SNAP23: variants seen among roughly 807,000 people sequenced by gnomAD.
SNAP23 encodes synaptosome associated protein 23.
In SNAP23, 11 loss-of-function variants were observed where a neutral mutation model predicts 29.0. That is an observed-to-expected ratio of 0.38 (90% CI 0.24 to 0.63). SNAP23 has a LOEUF of 0.63. Ranked by LOEUF, SNAP23 falls within the 20% of genes least tolerant of loss-of-function variation. SNAP23 has a pLI of 0.58. For synonymous variants in SNAP23, 60 were observed against 82.9 expected (o/e 0.72, Z 1.50); for missense variants, 220 against 253.9 (o/e 0.87, Z 0.91).
intron 1 of SNAP23, among the ~76,000 whole-genome samples, chr15:42,496,676 C>T (rs1267769068): frequency 6.6e-6 from 1 of 151,870 alleles, no homozygotes; most frequent in East Asian, 1.9e-4. Context: ...GAGATCGTGC[C>T]ACTGAGCTTC....
In SNAP23 at chr15:42,517,186, C is replaced by T. The variant is rs548826059; in HGVS notation, c.266+1832C>T. ...CTGCCCGCCTCTGCCTCCCAAAGTG[C>T]GGGGATTACATGCGTGAGCCACTGC... On this transcript the variant is annotated intron_variant, in intron 5 of 7. Coordinates refer to ENST00000249647, the MANE Select transcript of SNAP23 (RefSeq NM_003825.4). Among the ~76,000 whole-genome samples, 32 of 152,302 alleles carry T rather than the reference C, an allele frequency of 2.1e-4. No homozygotes were observed. In the South Asian group the frequency reaches 6.2e-3, roughly 30 times the overall value.
At chr15:42,502,044 T>G (rs2057275392) in intron 1 of SNAP23, among the ~76,000 whole-genome samples, 1 of 150,532 alleles carries the variant, frequency 6.6e-6, no homozygotes, top group Non-Finnish European at 1.5e-5. Flanking sequence ...TTTTTTTTTT[T>G]TGAGACGGAG....
At chr15:42,497,556 G>A (rs2057232144) in intron 1 of SNAP23, among the ~76,000 whole-genome samples, 1 of 151,988 alleles carries the variant, frequency 6.6e-6, no homozygotes, top group Non-Finnish European at 1.5e-5. Flanking sequence ...TATTGGCCAG[G>A]CTGGTCTCAA....
intron 1 of SNAP23, among the ~76,000 whole-genome samples, chr15:42,499,472 C>T (rs1456642414): frequency 1.3e-5 from 2 of 152,090 alleles, no homozygotes; most frequent in Admixed American, 6.6e-5. Flanking sequence ...GGAGTCTTCA[C>T]CTATGAGTCA....
rs1294346292 is a variant in SNAP23 at position 42,515,248 on chromosome 15, C to T, written c.160C>T (p.Arg54Cys). ...CAACTTATTCTTAGAACAACTAAAC[C>T]GCATAGAAGAAGGCTTGGACCAAAT... is the stretch of plus-strand genomic sequence containing the variant. Reference protein sequence around the residue: ...MLDEQKEQLNRIEEGLDQINK... With the variant: ...MLDEQKEQLNCIEEGLDQINK... Residue 54 changes from arginine (R) to cysteine (C), a missense_variant, in exon 5 of 8, where the codon CGC becomes TGC. Transcript: ENST00000249647. 5 of 1,594,880 alleles carry T rather than the reference C, an allele frequency of 3.1e-6. No homozygotes were observed. Among genetic ancestry groups the T allele is most frequent in the Non-Finnish European group, 4.3e-6 (5 of 1,170,906 alleles).
intron 1 of SNAP23, chr15:42,505,089 TTGA>T (rs2057305944): frequency 6.6e-6 from 1 of 151,880 alleles, no homozygotes; most frequent in Admixed American, 6.6e-5. Flanking sequence ...CCCTGTGAAA[TTGA>T]TGGTGATTTT....
At chr15:42,492,919 C>T (rs1212049008), upstream of SNAP23, 1 of 152,186 alleles carries the variant, frequency 6.6e-6, no homozygotes, top group Admixed American at 6.5e-5. Context: ...CAGGGAAAAG[C>T]CTGTAGAAGA....
At chr15:42,528,561 C>T (rs937755148) in intron 6 of SNAP23, 141 bp downstream of exon 6, 6 of 864,606 alleles carry the variant, frequency 6.9e-6, no homozygotes, top group African/African-American at 3.4e-5. Flanking sequence ...AAAAATCTGC[C>T]CACTGACAAA....
rs2057213660 is a variant in SNAP23 at position 42,495,697 on chromosome 15, G to T, written c.-31G>T. On this transcript the variant is annotated 5_prime_UTR_variant, in exon 1 of 8. Transcript: ENST00000249647. ...GTGTCCGAGTTGCCGCCGGAGAGGAGTGGCCTCGCCCGCTTGGTGAGTCTC... is the reference window on the plus strand; with the variant it reads ...GTGTCCGAGTTGCCGCCGGAGAGGATTGGCCTCGCCCGCTTGGTGAGTCTC... 6.6e-6 allele frequency: 1 copy of T among 152,664 alleles called. No homozygotes were observed. Among genetic ancestry groups the T allele is most frequent in the Non-Finnish European group, 1.5e-5 (1 of 68,388 alleles). The allele number at this position is 152,664 out of a possible 1,614,324, so 9.5% of individuals were successfully genotyped here.
chr15:42,498,184 C>T (rs2141497134), intron 1 of SNAP23, among the ~76,000 whole-genome samples: 1 of 152,326 alleles, frequency 6.6e-6, no homozygotes, highest in East Asian at 1.9e-4. Flanking sequence ...CCTCTTCTCA[C>T]AGCTCCACTA....
In SNAP23 at chr15:42,531,584, G is replaced by T; in HGVS notation, c.*106G>T. The T allele has an allele frequency of 1.3e-6, 1 of 792,478 alleles. No homozygotes were observed. The highest frequency in any genetic ancestry group is 1.9e-5 in the South Asian group (1 of 52,430). 49.1% of individuals were successfully genotyped at this position (792,478 alleles called of 1,614,324 possible). ...TTCGGTTCCACGCTCTTCTAATTGG[G>T]AGATAATATGGAAGAAGGGCCAGAG... On this transcript the variant is annotated 3_prime_UTR_variant, in exon 8 of 8. Transcript: ENST00000249647.
intron 4 of SNAP23, among the ~76,000 whole-genome samples, chr15:42,513,852 T>G (rs1343050882): frequency 6.6e-6 from 1 of 152,070 alleles, no homozygotes; most frequent in East Asian, 1.9e-4. Flanking sequence ...TCGCTCTTCT[T>G]GCCCAGGCTG....
chr15:42,496,935 A>G (rs997008993), intron 1 of SNAP23, among the ~76,000 whole-genome samples: 1 of 152,084 alleles, frequency 6.6e-6, no homozygotes, highest in Non-Finnish European at 1.5e-5. Context: ...TGAGAACAGC[A>G]TGGGGGAAAC....
chr15:42,517,669 C>T (rs1391370865), intron 5 of SNAP23, among the ~76,000 whole-genome samples: 1 of 152,314 alleles, frequency 6.6e-6, no homozygotes, highest in Admixed American at 6.5e-5. Context: ...CAGCATTCTT[C>T]AGCCTCTAAC....
intron 5 of SNAP23, among the ~76,000 whole-genome samples, chr15:42,522,729 A>G (rs1037317198): frequency 1.4e-5 from 2 of 144,470 alleles, no homozygotes; most frequent in Non-Finnish European, 3.2e-5. Flanking sequence ...AAAAAAAAAA[A>G]AAAAAAAGAA....
At chr15:42,513,909 G>A (rs1160998057) in intron 4 of SNAP23, among the ~76,000 whole-genome samples, 1 of 152,060 alleles carries the variant, frequency 6.6e-6, no homozygotes, top group East Asian at 1.9e-4. Context: ...CTCCTCCTGG[G>A]TTCAAGTGAT....
chr15:42,506,665 G>A (rs910626393), intron 1 of SNAP23, among the ~76,000 whole-genome samples: 2 of 152,188 alleles, frequency 1.3e-5, no homozygotes, highest in African/African-American at 4.8e-5. Context: ...CTTTGAGTCT[G>A]TAGAAGAGAT....
chr15:42,491,881 C>G (rs1419483346), upstream of SNAP23, among the ~76,000 whole-genome samples: 1 of 134,416 alleles, frequency 7.4e-6, no homozygotes, highest in Non-Finnish European at 1.7e-5. Context: ...CGCGCCCAGC[C>G]TACATTTATT....
In SNAP23 at chr15:42,528,291, A is replaced by C. The variant is rs146449300; in HGVS notation, c.296A>C (p.Tyr99Ser). Residue 99 changes from tyrosine to serine, a missense_variant, in exon 6 of 8, where the codon TAT becomes TCT. By Grantham distance (144) the Tyr-to-Ser change is moderately radical (BLOSUM62 -2). Coordinates refer to ENST00000249647, the MANE Select transcript of SNAP23 (RefSeq NM_003825.4). ...RTKNFESGKA[Y>S]KTTWGDGGEN... ...AAGAACTTTGAGTCTGGCAAGGCTT[A>C]TAAGACAACATGGGGAGATGGTGGA... The C allele has an allele frequency of 3.7e-6, 6 of 1,614,022 alleles. No individual in the cohort carries two copies. The highest frequency in any genetic ancestry group is 5.1e-6 in the Non-Finnish European group (6 of 1,180,002).
Sources: gnomAD v4.1 joint callset for allele counts (sites outside exome capture counted in the v4.1 genomes callset) on GRCh38, gnomAD v4.1.1 for gene constraint, MANE v1.5 for transcripts, NCBI Gene and HGNC (gene_info 2026-07-23, HGNC 2026-07-21) for gene names.